Variants in OSBPL5 observed in about 807,000 individuals in gnomAD.
The protein encoded by OSBPL5 is oxysterol-binding protein-related protein 5.
OSBPL5 carries 71 observed loss-of-function variants against 111.2 expected under a neutral mutation model. That is an observed-to-expected ratio of 0.64 (90% confidence interval 0.53 to 0.78). OSBPL5 has a LOEUF of 0.78. Ranked by LOEUF, OSBPL5 falls within the 30% of genes least tolerant of loss-of-function variation. OSBPL5 has a pLI of 0.00. For missense variants in OSBPL5, 1,210 were observed against 1,189.3 expected, an observed-to-expected ratio of 1.02 and a Z score of -0.26; for synonymous variants, 549 against 513.9, an observed-to-expected ratio of 1.07 and a Z score of -0.93.
chr11:3,100,622 C>T (rs562978156), intron 13 of OSBPL5, among the ~76,000 whole-genome samples: 31 of 152,232 alleles, frequency 2.0e-4, no homozygotes, highest in Non-Finnish European at 4.0e-4. Flanking sequence ...GGCCACGAGT[C>T]GCAGGTACTG....
In OSBPL5 at chr11:3,120,585, C is replaced by T. The variant is rs749809521; in HGVS notation, c.442G>A (p.Val148Met). 69 of 1,613,132 alleles carry T rather than the reference C, an allele frequency of 4.3e-5. No homozygotes were observed. The highest frequency in any genetic ancestry group is 5.1e-5 in the Non-Finnish European group (60 of 1,180,030). The change falls in exon 6 of 22, where the codon GTG (valine) becomes ATG (methionine). Residue 148 changes from valine to methionine, a missense_variant. Coordinates refer to ENST00000263650, the MANE Select transcript of OSBPL5 (RefSeq NM_020896.4). ...ATGAGCAGCACCCCCGGCTTCAGCA[C>T]GCACCACAGCTTGGTCCAGCTCTTC... ...TLKSWTKLWC[V>M]LKPGVLLIYK...
intron 1 of OSBPL5, among the ~76,000 whole-genome samples, chr11:3,158,669 A>C (rs1372879033): frequency 6.6e-6 from 1 of 152,260 alleles, no homozygotes; most frequent in Non-Finnish European, 1.5e-5. Context: ...TCTGGGCTGC[A>C]CACAGTGGTG....
chr11:3,090,444 TG>T, intron 20 of OSBPL5, 113 bp downstream of exon 20: 1 of 1,420,490 alleles, frequency 7.0e-7, no homozygotes, highest in Non-Finnish European at 9.6e-7. Flanking sequence ...GAGCTTTTGC[TG>T]GGAGGTTGCC....
In OSBPL5 at chr11:3,092,917, C is replaced by T. The variant is rs766527329; in HGVS notation, c.2082G>A (p.Gln694=). Reference sequence around the variant, plus strand: ...GGGTGATGGGGTCCAGGTGGAACAGCTGCGGCTTCCAGGGCATGAGGCTCT... The same window carrying T: ...GGGTGATGGGGTCCAGGTGGAACAGTTGCGGCTTCCAGGGCATGAGGCTCT... ...RQESLMPWKP[Q]LFHLDPITQE... Residue 694 remains glutamine (Q), a synonymous_variant, in exon 18 of 22, where the codon CAG becomes CAA. Coordinates refer to ENST00000263650, the MANE Select transcript of OSBPL5 (RefSeq NM_020896.4). The surrounding 1 kb of genome is among the most constrained non-coding windows in gnomAD (Gnocchi z 5.4). 6.4e-7 allele frequency: 1 copy of T among 1,567,036 alleles called. No homozygotes were observed. Among genetic ancestry groups the T allele is most frequent in the Admixed American group, 1.9e-5 (1 of 52,270 alleles).
At chr11:3,133,800 C>G (rs1245151630) in intron 1 of OSBPL5, among the ~76,000 whole-genome samples, 1 of 152,334 alleles carries the variant, frequency 6.6e-6, no homozygotes, top group East Asian at 1.9e-4. Flanking sequence ...AGTGCCCCTC[C>G]CACGGTGAGA....
chr11:3,147,129 AAGAGGACCG>A (rs1400840087), intron 1 of OSBPL5, among the ~76,000 whole-genome samples: 1 of 145,766 alleles, frequency 6.9e-6, no homozygotes, highest in Non-Finnish European at 1.5e-5. Context: ...ACCCCGTCTC[AAGAGGACCG>A]GGCGGGTGGG....
intron 1 of OSBPL5, among the ~76,000 whole-genome samples, chr11:3,160,571 C>T (rs1425936506): frequency 6.6e-6 from 1 of 152,244 alleles, no homozygotes; most frequent in Non-Finnish European, 1.5e-5. Flanking sequence ...GGAGAAATCC[C>T]GCTGGCTGCC....
chr11:3,101,506 T>C (rs941398810), intron 13 of OSBPL5, 97 bp downstream of exon 13: 13 of 1,146,246 alleles, frequency 1.1e-5, no homozygotes, highest in African/African-American at 6.1e-5. Context: ...GACAGGCACA[T>C]GGCCCCCATC....
At chr11:3,094,111 C>T (rs1403485946) in intron 15 of OSBPL5, 126 bp downstream of exon 15, 2 of 929,490 alleles carry the variant, frequency 2.2e-6, no homozygotes, top group Non-Finnish European at 3.2e-6. Flanking sequence ...GGGATGTCAA[C>T]AGCTGCTCCC....
At chr11:3,099,479 C>G (rs1214717838) in intron 14 of OSBPL5, among the ~76,000 whole-genome samples, 1 of 152,166 alleles carries the variant, frequency 6.6e-6, no homozygotes, top group Non-Finnish European at 1.5e-5. Context: ...AGGGGACACA[C>G]AGGAACTCTC....
At chr11:3,099,251 A>G (rs1857377768) in intron 14 of OSBPL5, among the ~76,000 whole-genome samples, 1 of 152,224 alleles carries the variant, frequency 6.6e-6, no homozygotes, top group Non-Finnish European at 1.5e-5. Flanking sequence ...ACGTCTAATC[A>G]TAAGGGATTT....
chr11:3,093,377 A>G lies in OSBPL5; in HGVS notation c.1946+150T>C, dbSNP rs539431631. The G allele has an allele frequency of 2.7e-5, 33 of 1,242,512 alleles. No homozygotes were observed. In the Admixed American group the frequency reaches 6.3e-4, roughly 24 times the overall value. The allele number at this position is 1,242,512 out of a possible 1,614,324, so 77.0% of individuals were successfully genotyped here. Reference sequence around the variant, plus strand: ...TCCCTCCATCTGTCCTTTCCAGGACACGTGATCTGCCACCAGGGGTGCACC... The same window carrying G: ...TCCCTCCATCTGTCCTTTCCAGGACGCGTGATCTGCCACCAGGGGTGCACC... On this transcript the variant is annotated intron_variant, in intron 17 of 21. Transcript: ENST00000263650.
rs1858794487 is a variant in OSBPL5, at chr11:3,130,670, C to T, written c.-21-1501G>A. On this transcript the variant is annotated intron_variant, in intron 1 of 21. Coordinates refer to ENST00000263650, the MANE Select transcript of OSBPL5 (RefSeq NM_020896.4). This position sits in a 1 kb window ranked among gnomAD's most constrained non-coding sequence, Gnocchi z 4.5. ...GGCTTCAGAGAGGCTGGCGTTTTGG[C>T]CCAGGTCACAGAGCTAACAATCAGC... Among the ~76,000 whole-genome samples, 1 of 152,188 alleles carries T rather than the reference C, an allele frequency of 6.6e-6. No individual in the cohort carries two copies. Among genetic ancestry groups the T allele is most frequent in the Non-Finnish European group, 1.5e-5 (1 of 68,028 alleles).
chr11:3,121,888 G>A lies in OSBPL5; in HGVS notation c.402+109C>T, dbSNP rs1858428964. On this transcript the variant is annotated intron_variant, in intron 5 of 21. Coordinates refer to ENST00000263650, the MANE Select transcript of OSBPL5 (RefSeq NM_020896.4). The surrounding 1 kb of genome is among the most constrained non-coding windows in gnomAD (Gnocchi z 4.3). ...GAGGCTGCAGTGATAACGGCTAGAT[G>A]CAGGGAAGTGAATTTCCATCGTTTC... 3 of 936,260 alleles carry A rather than the reference G, an allele frequency of 3.2e-6. No homozygotes were observed. The Admixed American group carries it at 6.2e-5, about 19-fold the overall frequency. The allele number at this position is 936,260 out of a possible 1,614,324, so 58.0% of individuals were successfully genotyped here.
chr11:3,149,418 G>A (rs1016260136), intron 1 of OSBPL5, among the ~76,000 whole-genome samples: 1 of 152,244 alleles, frequency 6.6e-6, no homozygotes, highest in African/African-American at 2.4e-5. Flanking sequence ...GAGGCAGTGA[G>A]TGCTGTGACT....
In OSBPL5 at chr11:3,130,724, A is replaced by T. The variant is rs1858796254; in HGVS notation, c.-21-1555T>A. Among the ~76,000 whole-genome samples, 1 of 152,190 alleles carries T rather than the reference A, an allele frequency of 6.6e-6. No homozygotes were observed. Among genetic ancestry groups the T allele is most frequent in the Non-Finnish European group, 1.5e-5 (1 of 68,032 alleles). Reference sequence around the variant, plus strand: ...GCCGTCCTTAAGCCAGGTGGAACCGATCCTAAAACCCAGCCGCTGAGTGTC... The same window carrying T: ...GCCGTCCTTAAGCCAGGTGGAACCGTTCCTAAAACCCAGCCGCTGAGTGTC... On this transcript the variant is annotated intron_variant, in intron 1 of 21. Coordinates refer to ENST00000263650, the MANE Select transcript of OSBPL5 (RefSeq NM_020896.4). The surrounding 1 kb of genome is among the most constrained non-coding windows in gnomAD (Gnocchi z 4.5).
At chr11:3,122,621 G>A (rs539088327) in intron 3 of OSBPL5, among the ~76,000 whole-genome samples, 193 bp from the exon 4 acceptor site, 1 of 152,156 alleles carries the variant, frequency 6.6e-6, no homozygotes, top group Non-Finnish European at 1.5e-5. Context: ...GAACAAGGGT[G>A]GCTGACGAGA....
chr11:3,090,357 C>G (rs556149441), intron 20 of OSBPL5, among the ~76,000 whole-genome samples: 71 of 152,076 alleles, frequency 4.7e-4, no homozygotes, highest in Middle Eastern at 3.4e-3. Context: ...CCCCACCATT[C>G]CCCCCGTTGG....
At chr11:3,112,473 C>CTTTTTTTTTTTTTT (rs556463241) in intron 7 of OSBPL5, among the ~76,000 whole-genome samples, 1 of 48,622 alleles carries the variant, frequency 2.1e-5, no homozygotes. Flanking sequence ...TTTGTGTTTT[C>CTTTTTTTTTTTTTT]TTTTCTTTTT....
Sources: allele counts gnomAD v4.1 joint callset (sites outside exome capture counted in the v4.1 genomes callset), GRCh38; gene constraint gnomAD v4.1.1; non-coding constraint Gnocchi (gnomAD v3.1); transcripts MANE v1.5; gene names NCBI Gene and HGNC (gene_info 2026-07-23, HGNC 2026-07-21).